The following CHPT1 variants were observed in gnomAD, a reference collection of about 807,000 sequenced individuals.
CHPT1 encodes choline phosphotransferase 1.
A neutral mutation model predicts 47.6 loss-of-function variants in CHPT1; 36 were observed. The ratio of observed to expected loss-of-function variants is 0.76; its 90% CI spans 0.58 to 1.00. The LOEUF is 1.00. Ranked by LOEUF, CHPT1 falls within the 50% of genes least tolerant of loss-of-function variation. The probability of loss-of-function intolerance (pLI) is 0.00; values close to 1 mark genes in which losing one functional copy is unlikely to be tolerated. For synonymous variants in CHPT1, 194 were observed against 186.3 expected, an observed-to-expected ratio of 1.04 and a Z score of -0.33; for missense variants, 458 against 498.1, an observed-to-expected ratio of 0.92 and a Z score of 0.77.
chr12:101,729,021 T>C lies in CHPT1; in HGVS notation c.*76T>C, dbSNP rs755582399. ...AGATATTAAACATTTGTTTAATTTT[T>C]ATTTAAGTGTTATACCTATTTCAGC... On this transcript the variant is annotated 3_prime_UTR_variant, in exon 9 of 9. Coordinates refer to ENST00000229266, the MANE Select transcript of CHPT1 (RefSeq NM_020244.3). The C allele has an allele frequency of 1.9e-6, 3 of 1,612,316 alleles. No homozygotes were observed. Among genetic ancestry groups the C allele is most frequent in the Admixed American group, 1.7e-5 (1 of 59,980 alleles).
chr12:101,714,463 A>G (rs1197296655), intron 2 of CHPT1, 41 bp from the exon 3 acceptor site: 1 of 1,527,062 alleles, frequency 6.5e-7, no homozygotes, highest in East Asian at 2.4e-5. Context: ...TTCATAAATT[A>G]TTTTTAATTC....
intron 1 of CHPT1, among the ~76,000 whole-genome samples, chr12:101,704,148 A>G (rs994459381): frequency 2.0e-5 from 3 of 151,946 alleles, no homozygotes; most frequent in Admixed American, 6.6e-5. Flanking sequence ...ATAGATGTCA[A>G]TTCATCCAAG....
At chr12:101,706,757 T>C (rs181297542) in intron 1 of CHPT1, among the ~76,000 whole-genome samples, 7 of 152,352 alleles carry the variant, frequency 4.6e-5, no homozygotes, top group African/African-American at 1.7e-4. Flanking sequence ...GAGGCTATAA[T>C]TATGAAACAA....
intron 3 of CHPT1, 33 bp downstream of exon 3, chr12:101,714,678 AT>A: frequency 6.4e-7 from 1 of 1,571,472 alleles, no homozygotes; most frequent in South Asian, 1.2e-5. Flanking sequence ...ACATTAAAAA[AT>A]ATAATTGAAT....
chr12:101,714,320 T>TATAC, intron 2 of CHPT1, 83 bp downstream of exon 2: 3 of 1,307,240 alleles, frequency 2.3e-6, no homozygotes, highest in South Asian at 3.0e-5. Flanking sequence ...TTTGGATGGA[T>TATAC]ATACATTTGG....
At chr12:101,716,051 G>A (rs1951758929) in intron 3 of CHPT1, among the ~76,000 whole-genome samples, 1 of 152,190 alleles carries the variant, frequency 6.6e-6, no homozygotes, top group Non-Finnish European at 1.5e-5. Context: ...ACTAGAGTGT[G>A]TTAAGCAACA....
chr12:101,726,432 G>T, intron 8 of CHPT1, 28 bp downstream of exon 8: 1 of 1,602,406 alleles, frequency 6.2e-7, no homozygotes. Context: ...CTGACTAATA[G>T]CCCAAGGAAA....
chr12:101,716,750 ATAGCTT>A lies in CHPT1; in HGVS notation c.590_595del (p.Ala197_Leu198del). On this transcript the variant is annotated inframe_deletion, in exon 4 of 9. Coordinates refer to ENST00000229266, the MANE Select transcript of CHPT1 (RefSeq NM_020244.3). ...TAGAGTGGATGTAACTGAAATTCAGATAGCTTTAGTGATTGTCTTTGTGTTGTCTGC... is the reference window on the plus strand; with the variant it reads ...TAGAGTGGATGTAACTGAAATTCAGATAGTGATTGTCTTTGTGTTGTCTGC... 6.2e-7 allele frequency: 1 copy of A among 1,607,040 alleles called. No individual in the cohort carries two copies. The highest frequency in any genetic ancestry group is 2.2e-5 in the East Asian group (1 of 44,532).
chr12:101,714,605 C>T lies in CHPT1; in HGVS notation c.523C>T (p.His175Tyr), dbSNP rs778806960. Reference protein sequence around the residue: ...FIGMFVFYCAHWQTYVSGMLR... With the variant: ...FIGMFVFYCAYWQTYVSGMLR... ...TGGGATGTTTGTGTTTTATTGCGCT[C>T]ATTGGCAGACTTATGTTTCAGGCAT... Residue 175 changes from histidine (H) to tyrosine (Y), a missense_variant, in exon 3 of 9, where the codon CAT becomes TAT. Coordinates refer to ENST00000229266, the MANE Select transcript of CHPT1 (RefSeq NM_020244.3). The T allele has an allele frequency of 2.5e-6, 4 of 1,610,498 alleles. No individual in the cohort carries two copies. The South Asian group carries it at 3.3e-5, about 13-fold the overall frequency.
intron 1 of CHPT1, among the ~76,000 whole-genome samples, 168 bp downstream of exon 1, chr12:101,698,302 T>C (rs556292624): frequency 3.3e-5 from 5 of 152,276 alleles, no homozygotes; most frequent in African/African-American, 9.6e-5. Flanking sequence ...CTGGAGACTG[T>C]CACGCCACTA....
chr12:101,718,974 T>C (rs568784969), intron 4 of CHPT1, among the ~76,000 whole-genome samples: 9 of 151,738 alleles, frequency 5.9e-5, no homozygotes, highest in Non-Finnish European at 1.3e-4. Context: ...CTGGCCAACA[T>C]GGCAAAACCC....
At chr12:101,723,086 CA>C in intron 5 of CHPT1, 81 bp from the exon 6 acceptor site, 1 of 1,323,624 alleles carries the variant, frequency 7.6e-7, no homozygotes, top group Middle Eastern at 1.9e-4. Flanking sequence ...GCCTCTTGCA[CA>C]AAATAGATGG....
At chr12:101,716,913 AAT>A in intron 4 of CHPT1, 101 bp downstream of exon 4, 1 of 659,920 alleles carries the variant, frequency 1.5e-6, no homozygotes. Context: ...CATTGTATTT[AAT>A]TTTTTTTTTT....
At chr12:101,728,604 T>C (rs532296124) in intron 8 of CHPT1, 1 of 278,946 alleles carries the variant, frequency 3.6e-6, no homozygotes, top group Non-Finnish European at 6.7e-6. Flanking sequence ...CTATACTTGG[T>C]TTTCTACCTT....
intron 4 of CHPT1, chr12:101,719,774 A>G (rs1164580759): frequency 4.1e-6 from 1 of 242,602 alleles, no homozygotes; most frequent in Admixed American, 5.4e-5. Flanking sequence ...TCTTTCACTT[A>G]TGAAGAAAGC....
chr12:101,723,712 T>G lies in CHPT1; in HGVS notation c.940-10T>G. On this transcript the variant is annotated splice_polypyrimidine_tract_variant and intron_variant, in intron 6 of 8. Transcript: ENST00000229266. ...TAATAGTAAAATTATTTTGTTTAAT[T>G]TTTTTATAGGTAGCTCACATGACCA... The G allele has an allele frequency of 6.8e-7, 1 of 1,474,008 alleles. No homozygotes were observed. Among genetic ancestry groups the G allele is most frequent in the South Asian group, 1.3e-5 (1 of 78,280 alleles). The allele number at this position is 1,474,008 out of a possible 1,614,324, so 91.3% of individuals were successfully genotyped here.
At chr12:101,727,353 G>GTAT (rs1309199904) in intron 8 of CHPT1, 1 of 152,120 alleles carries the variant, frequency 6.6e-6, no homozygotes, top group Non-Finnish European at 1.5e-5. Context: ...TAATTGAAAT[G>GTAT]TATTTAGATT....
At chr12:101,727,473 C>T (rs1555263823) in intron 8 of CHPT1, 9 of 141,606 alleles carry the variant, frequency 6.4e-5, no homozygotes, top group Non-Finnish European at 3.0e-5. Flanking sequence ...TTCAACAGAC[C>T]ATATGTCATA....
At chr12:101,726,595 T>A (rs1298554097) in intron 8 of CHPT1, 191 bp downstream of exon 8, 9 of 688,062 alleles carry the variant, frequency 1.3e-5, no homozygotes, top group Non-Finnish European at 1.9e-5. Flanking sequence ...CATTGTATCA[T>A]CATTTTTTAT....
Sources: allele counts gnomAD v4.1 joint callset (sites outside exome capture counted in the v4.1 genomes callset), GRCh38; gene constraint gnomAD v4.1.1; transcripts MANE v1.5; gene names NCBI Gene and HGNC (gene_info 2026-07-23, HGNC 2026-07-21).